Variants in KLHL2 observed in about 807,000 individuals in gnomAD.
KLHL2 encodes the protein kelch like family member 2.
A neutral mutation model predicts 75.8 loss-of-function variants in KLHL2; 15 were observed. That is an observed-to-expected ratio of 0.20 (90% CI 0.13 to 0.30). The LOEUF is 0.30. KLHL2 is among the 10% of genes least tolerant of loss of function. The pLI, the probability that KLHL2 is intolerant of heterozygous loss-of-function variation, is 1.00. For missense variants in KLHL2, 381 were observed against 741.0 expected, an observed-to-expected ratio of 0.51 and a Z score of 5.64; for synonymous variants, 214 against 251.9, an observed-to-expected ratio of 0.85 and a Z score of 1.42.
intron 5 of KLHL2, among the ~76,000 whole-genome samples, chr4:165,288,381 T>A (rs975692776): frequency 4.6e-5 from 7 of 152,158 alleles, no homozygotes; most frequent in African/African-American, 1.7e-4. Flanking sequence ...TCCTCATTTC[T>A]CTCCCCTCTA....
chr4:165,246,160 A>G (rs1348304126), intron 4 of KLHL2, among the ~76,000 whole-genome samples: 2 of 152,144 alleles, frequency 1.3e-5, no homozygotes, highest in Admixed American at 1.3e-4. Flanking sequence ...AAGTAAAGGC[A>G]GATAACATTC....
chr4:165,287,412 C>T lies in KLHL2; in HGVS notation c.545-6947C>T, dbSNP rs568173985. 5.3e-5 allele frequency among the ~76,000 whole-genome samples: 8 copies of T among 152,188 alleles called. No individual in the cohort carries two copies. The South Asian group carries it at 1.7e-3, about 32-fold the overall frequency. Reference sequence around the variant, plus strand: ...TATCCATTCATTAATCAGTGGATACCTGCTTCTGCCTCTTGCTATTGTGAG... The same window carrying T: ...TATCCATTCATTAATCAGTGGATACTTGCTTCTGCCTCTTGCTATTGTGAG... On this transcript the variant is annotated intron_variant, in intron 5 of 14. Coordinates refer to ENST00000226725, the MANE Select transcript of KLHL2 (RefSeq NM_007246.4).
chr4:165,212,811 T>C (rs1737283924), intron 1 of KLHL2, among the ~76,000 whole-genome samples: 5 of 152,226 alleles, frequency 3.3e-5, no homozygotes, highest in Admixed American at 3.3e-4. Flanking sequence ...CTTCTATCAC[T>C]GCTTGTGGGC....
chr4:165,271,165 AT>A (rs55817226), intron 5 of KLHL2, among the ~76,000 whole-genome samples: 68,285 of 150,572 alleles, frequency 0.45, 16,726 homozygotes, highest in African/African-American at 0.64. Flanking sequence ...GCATTTTAGG[AT>A]TTTTTTTTTA....
At chr4:165,224,762 T>C (rs760957419) in intron 2 of KLHL2, among the ~76,000 whole-genome samples, 3 of 152,248 alleles carry the variant, frequency 2.0e-5, no homozygotes, top group Non-Finnish European at 2.9e-5. Context: ...ACCTGAGATA[T>C]TTTGATACAG....
intron 1 of KLHL2, among the ~76,000 whole-genome samples, chr4:165,212,518 G>A (rs1737258715): frequency 1.3e-5 from 2 of 152,088 alleles, no homozygotes; most frequent in South Asian, 4.1e-4. Flanking sequence ...ATATTCCTTT[G>A]ACCAGTTCCA....
At chr4:165,278,363 A>T (rs767012785) in intron 5 of KLHL2, 3 of 1,266,058 alleles carry the variant, frequency 2.4e-6, no homozygotes, top group African/African-American at 1.5e-5. Context: ...GTTGCTGGTC[A>T]TTCCTCCATC....
At chr4:165,305,562 T>C (rs752105963) in intron 8 of KLHL2, 46 bp from the exon 9 acceptor site, 5 of 1,424,076 alleles carry the variant, frequency 3.5e-6, no homozygotes, top group Non-Finnish European at 5.0e-6. Context: ...AAATCCTGAA[T>C]ATGTAATAGT....
intron 5 of KLHL2, among the ~76,000 whole-genome samples, chr4:165,274,635 ACT>A (rs1579093867): frequency 6.6e-6 from 1 of 151,364 alleles, no homozygotes; most frequent in East Asian, 1.9e-4. Flanking sequence ...ATGGAAGAGC[ACT>A]CTCTATCCTT....
At chr4:165,268,696 GTTC>G (rs1438830803) in intron 5 of KLHL2, among the ~76,000 whole-genome samples, 5 of 152,168 alleles carry the variant, frequency 3.3e-5, no homozygotes, top group Admixed American at 2.0e-4. Context: ...TGTGATTTCT[GTTC>G]TTCTACATTT....
intron 8 of KLHL2, among the ~76,000 whole-genome samples, chr4:165,303,789 C>T (rs1002688818): frequency 6.6e-6 from 1 of 152,072 alleles, no homozygotes; most frequent in Non-Finnish European, 1.5e-5. Context: ...TCTCGAACTC[C>T]TGATCTCAAA....
Position 165,219,934 on chromosome 4 carries a change from A to C in KLHL2, c.27A>C (p.Ala9=), listed in dbSNP as rs202185247. METPPLPP[A]CTKQGHQKPL... ...TTTTGTTCTTTTCTTTTATGTACAG[A>C]TGCACAAAGCAGGGTCATCAGAAGC... The change falls in exon 2 of 15, where the codon GCA becomes GCC. Residue 9 remains alanine (A), a splice_region_variant and synonymous_variant. Coordinates refer to ENST00000226725, the MANE Select transcript of KLHL2 (RefSeq NM_007246.4). The C allele has an allele frequency of 6.7e-7, 1 of 1,492,084 alleles. No individual in the cohort carries two copies. 92.4% of individuals were successfully genotyped at this position (1,492,084 alleles called of 1,614,324 possible). A position where few individuals can be genotyped will look rare whatever the true frequency, so the allele number is the denominator to read the frequency against.
intron 4 of KLHL2, among the ~76,000 whole-genome samples, chr4:165,253,924 T>A (rs1740948590): frequency 6.6e-6 from 1 of 152,244 alleles, no homozygotes; most frequent in Non-Finnish European, 1.5e-5. Flanking sequence ...TTAATGGATA[T>A]GTGTCTCCTC....
Position 165,239,088 on chromosome 4 carries a change from C to T in KLHL2, c.381+189C>T, listed in dbSNP as rs140823670. Among the ~76,000 whole-genome samples the T allele has an allele frequency of 2.5e-3, 387 of 152,098 alleles. 3 individuals carry two copies. Among genetic ancestry groups the T allele is most frequent in the African/African-American group, 8.7e-3 (359 of 41,478 alleles). On this transcript the variant is annotated intron_variant, in intron 4 of 14. Transcript: ENST00000226725. ...TTCTGAGTTCAGTATCTTTTATATT[C>T]CTTAAGATCTGAGATACAAATCCTT...
At chr4:165,315,324 A>G (rs1028172315) in intron 13 of KLHL2, among the ~76,000 whole-genome samples, 5 of 152,198 alleles carry the variant, frequency 3.3e-5, no homozygotes, top group Non-Finnish European at 5.9e-5. Flanking sequence ...GAATAAAGAG[A>G]TAATTTGTAT....
intron 6 of KLHL2, among the ~76,000 whole-genome samples, chr4:165,295,589 G>A (rs555394905): frequency 3.7e-4 from 57 of 152,300 alleles, no homozygotes; most frequent in African/African-American, 9.9e-4. Flanking sequence ...TGCCTTAGGA[G>A]CATTTAACTT....
intron 4 of KLHL2, among the ~76,000 whole-genome samples, chr4:165,242,977 T>C (rs1403430375): frequency 6.6e-6 from 1 of 152,212 alleles, no homozygotes; most frequent in Admixed American, 6.5e-5. Context: ...CCCAATGTGA[T>C]TGAAGAAATA....
intron 2 of KLHL2, 106 bp downstream of exon 2, chr4:165,220,165 A>T: frequency 6.7e-7 from 1 of 1,494,510 alleles, no homozygotes; most frequent in Non-Finnish European, 8.9e-7. Context: ...TGTCTGGTAC[A>T]CAGAACATTA....
At chr4:165,239,264 C>CCTTTTTTTTTTTTTTTTTTTTTTTT (rs1560997161) in intron 4 of KLHL2, among the ~76,000 whole-genome samples, 1 of 134,852 alleles carries the variant, frequency 7.4e-6, no homozygotes, top group Non-Finnish European at 1.6e-5. Context: ...TTATTTCTGT[C>CCTTTTTTTTTTTTTTTTTTTTTTTT]TTTTTTTTTT....
Sources: gnomAD v4.1 joint callset for allele counts (sites outside exome capture counted in the v4.1 genomes callset) on GRCh38, gnomAD v4.1.1 for gene constraint, MANE v1.5 for transcripts, NCBI Gene and HGNC (gene_info 2026-07-23, HGNC 2026-07-21) for gene names.